URB1: variants seen among roughly 807,000 people sequenced by gnomAD.
URB1 encodes nucleolar pre-ribosomal-associated protein 1.
Under a neutral mutation model 242.3 loss-of-function variants are expected in URB1, and 197 were observed. The ratio of observed to expected loss-of-function variants is 0.81; its 90% confidence interval spans 0.72 to 0.91. The LOEUF is 0.91. Among genes scored for constraint, URB1 ranks in the 40% least tolerant of loss-of-function variants. The pLI is 0.00. For missense variants in URB1, 2,721 were observed against 2,860.5 expected, an observed-to-expected ratio of 0.95 and a Z score of 1.11; for synonymous variants, 1,153 against 1,201.8, an observed-to-expected ratio of 0.96 and a Z score of 0.84.
intron 19 of URB1, among the ~76,000 whole-genome samples, chr21:32,351,444 C>T (rs1273100546): frequency 6.6e-6 from 1 of 152,228 alleles, no homozygotes; most frequent in African/African-American, 2.4e-5. Context: ...TACCAAGCTG[C>T]CTTCTTTATT....
At position 32,350,738 on chromosome 21, in the gene URB1, A is replaced by G. The variant is rs560125951; in HGVS notation, c.2798T>C (p.Leu933Pro). ...GTTCTCCACAGTGCTCCGCAGGTAG[A>G]GCAACACCTGCTTGGCCGCGAGCAG... ...QVLLAAKQVLLYLRSTVENFG... is the reference protein window; with the variant it reads ...QVLLAAKQVLPYLRSTVENFG... The change falls in exon 20 of 39, where the codon CTC (leucine) becomes CCC (proline). Residue 933 changes from leucine to proline, a missense_variant. By Grantham distance (98) the Leu-to-Pro change is moderately conservative (BLOSUM62 -3). Transcript: ENST00000382751. 1.3e-6 allele frequency: 2 copies of G among 1,551,526 alleles called. No individual in the cohort carries two copies. Among genetic ancestry groups the G allele is most frequent in the East Asian group, 2.4e-5 (1 of 40,908 alleles).
intron 10 of URB1, among the ~76,000 whole-genome samples, chr21:32,364,697 T>C (rs1405120490): frequency 6.6e-6 from 1 of 152,224 alleles, no homozygotes; most frequent in Non-Finnish European, 1.5e-5. Flanking sequence ...TCCAAACGCT[T>C]TCTTATTTCC....
intron 20 of URB1, 138 bp downstream of exon 20, chr21:32,350,566 G>C: frequency 9.8e-7 from 1 of 1,020,292 alleles, no homozygotes; most frequent in Non-Finnish European, 1.4e-6. Context: ...CTGAGGTCTG[G>C]ACAGAACAGC....
chr21:32,376,377 C>T lies in URB1; in HGVS notation c.665-894G>A, dbSNP rs367706099. On this transcript the variant is annotated intron_variant, in intron 5 of 38. Transcript: ENST00000382751. ...TACAAATTTCCTTGCTCCACACATG[C>T]TTACTGGGCACACAGAATTTCTACA... 2.4e-4 allele frequency among the ~76,000 whole-genome samples: 37 copies of T among 152,294 alleles called. 3 individuals are homozygous for T. The highest frequency in any genetic ancestry group is 1.6e-3 in the Admixed American group (25 of 15,296).
At chr21:32,339,898 C>T (rs1477194741) in intron 25 of URB1, among the ~76,000 whole-genome samples, 1 of 152,194 alleles carries the variant, frequency 6.6e-6, no homozygotes, top group East Asian at 1.9e-4. Context: ...CAACTTAGTG[C>T]CTCCCAGGTC....
At chr21:32,317,608 G>A in intron 37 of URB1, 68 bp downstream of exon 37, 2 of 1,520,528 alleles carry the variant, frequency 1.3e-6, no homozygotes, top group Non-Finnish European at 1.8e-6. Context: ...CAGAGAGAGA[G>A]GGAGGGACGG....
intron 38 of URB1, among the ~76,000 whole-genome samples, chr21:32,315,503 C>T (rs2032669054): frequency 6.6e-6 from 1 of 152,024 alleles, no homozygotes; most frequent in Admixed American, 6.5e-5. Context: ...CAGGGTTTCA[C>T]TATGTTGCCC....
chr21:32,377,582 T>C (rs2033473746), intron 5 of URB1, among the ~76,000 whole-genome samples: 1 of 151,468 alleles, frequency 6.6e-6, no homozygotes, highest in South Asian at 2.1e-4. Flanking sequence ...ACATCTCCAC[T>C]CTCATGCTGC....
chr21:32,357,205 A>C (rs974291786), intron 15 of URB1, among the ~76,000 whole-genome samples: 1 of 152,266 alleles, frequency 6.6e-6, no homozygotes, highest in Non-Finnish European at 1.5e-5. Context: ...AAAGGCTGAA[A>C]GCCCTGGATA....
At chr21:32,379,466 A>C (rs1026732389) in intron 4 of URB1, among the ~76,000 whole-genome samples, 1 of 152,232 alleles carries the variant, frequency 6.6e-6, no homozygotes, top group African/African-American at 2.4e-5. Flanking sequence ...AAAATTAAGG[A>C]GTAATCTCTG....
intron 23 of URB1, 27 bp downstream of exon 23, chr21:32,345,347 T>C (rs780943876): frequency 9.7e-6 from 15 of 1,546,144 alleles, no homozygotes; most frequent in Non-Finnish European, 1.3e-5. Context: ...GAGTGGAACA[T>C]CCTGCAACCA....
Position 32,347,538 on chromosome 21 carries a change from T to A in URB1, c.3286A>T (p.Thr1096Ser), listed in dbSNP as rs2033105997. ...TGCGGCGGGGTCTTTGGTGGTGATG[T>A]GGCCGGGCCCGCCCTCCTGTTCTGA... The part of the protein sequence containing the change: ...ELQNRRAGPA[T>S]SPPKTPPQLE... The change falls in exon 22 of 39, where the codon ACA (threonine) becomes TCA (serine). Residue 1096 changes from threonine to serine, a missense_variant. Physicochemically the swap from Thr to Ser is moderately conservative, Grantham distance 58 (BLOSUM62 1). Coordinates refer to ENST00000382751, the MANE Select transcript of URB1 (RefSeq NM_014825.3). 6.4e-7 allele frequency: 1 copy of A among 1,551,286 alleles called. No individual in the cohort carries two copies. The highest frequency in any genetic ancestry group is 2.4e-5 in the East Asian group (1 of 40,894).
In URB1 at chr21:32,313,982, A is replaced by G. The variant is rs957250159; in HGVS notation, c.*936T>C. 1 of 153,702 alleles carries G rather than the reference A, an allele frequency of 6.5e-6. No individual in the cohort carries two copies. The highest frequency in any genetic ancestry group is 2.4e-5 in the African/African-American group (1 of 41,476). 9.5% of individuals were successfully genotyped at this position (153,702 alleles called of 1,614,324 possible). ...CAAAAATAGACATTAACAAGCATTTATAAAATTCAAAATCCCCTCTTTGAA... is the reference window on the plus strand; with the variant it reads ...CAAAAATAGACATTAACAAGCATTTGTAAAATTCAAAATCCCCTCTTTGAA... On this transcript the variant is annotated 3_prime_UTR_variant, in exon 39 of 39. Transcript: ENST00000382751.
intron 8 of URB1, among the ~76,000 whole-genome samples, chr21:32,371,819 T>TA (rs35899427): frequency 3.3e-3 from 492 of 148,700 alleles, no homozygotes; most frequent in African/African-American, 5.1e-3. Context: ...TTTTTGTTAT[T>TA]AAAAAAAAAA....
intron 10 of URB1, among the ~76,000 whole-genome samples, chr21:32,364,291 G>A (rs1329962593): frequency 6.6e-6 from 1 of 152,008 alleles, no homozygotes; most frequent in Non-Finnish European, 1.5e-5. Context: ...ATCATATGAT[G>A]GCATCTCCCG....
chr21:32,331,019 G>A (rs1207078117), intron 30 of URB1, among the ~76,000 whole-genome samples: 1 of 152,200 alleles, frequency 6.6e-6, no homozygotes. Context: ...AGAAGTAGGA[G>A]CATTTGTTGA....
chr21:32,315,502 A>G (rs946463818), intron 38 of URB1, among the ~76,000 whole-genome samples: 27 of 152,124 alleles, frequency 1.8e-4, no homozygotes, highest in African/African-American at 6.5e-4. Context: ...ACAGGGTTTC[A>G]CTATGTTGCC....
chr21:32,359,944 CA>C (rs1568824425), intron 13 of URB1, 36 bp from the exon 14 acceptor site: 1 of 1,540,744 alleles, frequency 6.5e-7, no homozygotes, highest in African/African-American at 1.4e-5. Flanking sequence ...AAAAAAGTCA[CA>C]TGGACGTGGG....
Position 32,380,251 on chromosome 21 carries a change from A to G in URB1, c.568-1710T>C, listed in dbSNP as rs1171067371. On this transcript the variant is annotated intron_variant, in intron 4 of 38. Coordinates refer to ENST00000382751, the MANE Select transcript of URB1 (RefSeq NM_014825.3). ...CTTCTGGAGAAAAGGAAGGCTATCC[A>G]ACCCATGCTCCCTAATATGTGGATC... Among the ~76,000 whole-genome samples the G allele has an allele frequency of 3.3e-5, 5 of 152,318 alleles. No homozygotes were observed. In the South Asian group the frequency reaches 1.0e-3, roughly 32 times the overall value.
Sources: gnomAD v4.1 joint callset for allele counts (sites outside exome capture counted in the v4.1 genomes callset) on GRCh38, gnomAD v4.1.1 for gene constraint, MANE v1.5 for transcripts, NCBI Gene and HGNC (gene_info 2026-07-23, HGNC 2026-07-21) for gene names.